The following UBE2H variants were observed in gnomAD, a reference collection of about 807,000 sequenced individuals.
UBE2H encodes the protein ubiquitin-conjugating enzyme E2 H.
In UBE2H, 3 loss-of-function variants were observed where a neutral mutation model predicts 29.0. That is an observed-to-expected ratio of 0.10 (90% CI 0.05 to 0.27). The LOEUF (loss-of-function observed/expected upper bound fraction) is 0.27. UBE2H is among the 10% of genes least tolerant of loss of function. UBE2H has a pLI of 1.00. For synonymous variants in UBE2H, 69 were observed against 82.9 expected, an observed-to-expected ratio of 0.83 and a Z score of 0.91; for missense variants, 68 against 228.2, an observed-to-expected ratio of 0.30 and a Z score of 4.52.
At chr7:129,855,990 A>G (rs908157258) in intron 5 of UBE2H, among the ~76,000 whole-genome samples, 4 of 152,210 alleles carry the variant, frequency 2.6e-5, no homozygotes, top group Admixed American at 6.5e-5. Context: ...GTAGCTGGGA[A>G]AGGAAACTGC....
chr7:129,845,055 G>C (rs1212932639), intron 5 of UBE2H, among the ~76,000 whole-genome samples: 1 of 152,150 alleles, frequency 6.6e-6, no homozygotes, highest in Non-Finnish European at 1.5e-5. Flanking sequence ...GCTTGAACCT[G>C]GGAGGCAGAG....
intron 1 of UBE2H, among the ~76,000 whole-genome samples, chr7:129,931,575 T>C (rs778083090): frequency 2.2e-4 from 34 of 152,148 alleles, no homozygotes; most frequent in Non-Finnish European, 4.1e-4. Context: ...TTTTTAATCA[T>C]TTTGCAACTC....
chr7:129,882,865 A>G (rs529081263), intron 1 of UBE2H, among the ~76,000 whole-genome samples: 4 of 152,382 alleles, frequency 2.6e-5, no homozygotes, highest in Admixed American at 6.5e-5. Context: ...ATAAAATTAA[A>G]TATCAACAAT....
chr7:129,916,214 C>T (rs531034901), intron 1 of UBE2H, among the ~76,000 whole-genome samples: 3 of 152,224 alleles, frequency 2.0e-5, no homozygotes, highest in Non-Finnish European at 4.4e-5. Context: ...TTATAACCAG[C>T]TTAACAGAAA....
intron 5 of UBE2H, among the ~76,000 whole-genome samples, chr7:129,851,798 A>G (rs1052792261): frequency 6.6e-6 from 1 of 152,154 alleles, no homozygotes; most frequent in African/African-American, 2.4e-5. Context: ...GCAAGACTCC[A>G]TTTTTATGTA....
At chr7:129,907,823 A>G (rs977354722) in intron 1 of UBE2H, among the ~76,000 whole-genome samples, 4 of 152,242 alleles carry the variant, frequency 2.6e-5, no homozygotes, top group African/African-American at 9.6e-5. Context: ...GGACAAAGAT[A>G]AAGACAAGAA....
intron 1 of UBE2H, among the ~76,000 whole-genome samples, chr7:129,910,779 G>C (rs537412789): frequency 6.6e-6 from 1 of 152,176 alleles, no homozygotes; most frequent in Non-Finnish European, 1.5e-5. Flanking sequence ...CTACTCGGAA[G>C]GCTGAGGCAG....
At chr7:129,844,934 G>T (rs1219052296) in intron 5 of UBE2H, among the ~76,000 whole-genome samples, 1 of 152,176 alleles carries the variant, frequency 6.6e-6, no homozygotes, top group African/African-American at 2.4e-5. Flanking sequence ...TTTCACACCA[G>T]CCTGGCCAAC....
chr7:129,877,052 G>A (rs186540327), intron 3 of UBE2H, among the ~76,000 whole-genome samples: 3 of 152,256 alleles, frequency 2.0e-5, no homozygotes, highest in East Asian at 1.9e-4. Flanking sequence ...AAGATTATGA[G>A]ACATTTTGAT....
At chr7:129,858,682 C>G (rs1805749400) in intron 4 of UBE2H, among the ~76,000 whole-genome samples, 1 of 152,102 alleles carries the variant, frequency 6.6e-6, no homozygotes, top group Non-Finnish European at 1.5e-5. Flanking sequence ...ATGAAGGACC[C>G]AGTCACGACA....
chr7:129,919,126 C>CAAAAAAA (rs1807105018), intron 1 of UBE2H, among the ~76,000 whole-genome samples: 1 of 135,632 alleles, frequency 7.4e-6, no homozygotes, highest in Non-Finnish European at 1.6e-5. Context: ...AAAAAAGCAC[C>CAAAAAAA]AAAAAACAAG....
chr7:129,910,149 C>T (rs780489970), intron 1 of UBE2H, among the ~76,000 whole-genome samples: 8 of 151,688 alleles, frequency 5.3e-5, no homozygotes, highest in Admixed American at 1.3e-4. Flanking sequence ...GCCAACATGG[C>T]GAAACCCCAT....
chr7:129,904,896 G>A (rs141234024), intron 1 of UBE2H, among the ~76,000 whole-genome samples: 88 of 152,344 alleles, frequency 5.8e-4, no homozygotes, highest in Middle Eastern at 3.4e-3. Flanking sequence ...TAATCCAGGA[G>A]GTGGGGAAGC....
intron 3 of UBE2H, chr7:129,864,914 T>G (rs934302964): frequency 8.5e-6 from 2 of 235,184 alleles, no homozygotes; most frequent in African/African-American, 4.5e-5. Flanking sequence ...CAGAACTCCT[T>G]AAGTTTTTTG....
chr7:129,845,939 T>G (rs970451973), intron 5 of UBE2H, among the ~76,000 whole-genome samples: 1 of 152,228 alleles, frequency 6.6e-6, no homozygotes, highest in African/African-American at 2.4e-5. Flanking sequence ...AGAACTAAAC[T>G]ATTAATACAA....
At position 129,930,552 on chromosome 7, in the gene UBE2H, C is replaced by A. The variant is rs530883642; in HGVS notation, c.53+21951G>T. Among the ~76,000 whole-genome samples the A allele has an allele frequency of 5.9e-5, 9 of 151,948 alleles. No homozygotes were observed. The East Asian group carries it at 1.6e-3, about 26-fold the overall frequency. On this transcript the variant is annotated intron_variant, in intron 1 of 6. Coordinates refer to ENST00000355621, the MANE Select transcript of UBE2H (RefSeq NM_003344.4). The stretch of plus-strand genomic sequence containing the variant: ...TTGGGAGGCCAAGGCGGGTGGATCA[C>A]GAGGTCAGGTGTTCAAGACCAGCCT...
chr7:129,849,304 G>A (rs768560960), intron 5 of UBE2H, among the ~76,000 whole-genome samples: 22 of 152,218 alleles, frequency 1.4e-4, no homozygotes, highest in Non-Finnish European at 2.6e-4. Flanking sequence ...TGAGCCGGGC[G>A]CAGTGGCTCA....
intron 1 of UBE2H, among the ~76,000 whole-genome samples, chr7:129,934,957 G>GTA: frequency 6.7e-6 from 1 of 149,520 alleles, no homozygotes; most frequent in South Asian, 2.1e-4. Flanking sequence ...GTGTGTGTGT[G>GTA]TATATATATG....
chr7:129,849,311 C>T (rs899315960), intron 5 of UBE2H, among the ~76,000 whole-genome samples: 1 of 152,246 alleles, frequency 6.6e-6, no homozygotes, highest in African/African-American at 2.4e-5. Flanking sequence ...GGCGCAGTGG[C>T]TCACGCCTGT....
Sources: gnomAD v4.1 joint callset for allele counts (sites outside exome capture counted in the v4.1 genomes callset) on GRCh38, gnomAD v4.1.1 for gene constraint, MANE v1.5 for transcripts, NCBI Gene and HGNC (gene_info 2026-07-23, HGNC 2026-07-21) for gene names.